CNTNAP4: variants seen among roughly 807,000 people sequenced by gnomAD.
CNTNAP4 encodes contactin associated protein family member 4.
Under a neutral mutation model 148.4 loss-of-function variants are expected in CNTNAP4, and 98 were observed. That is an observed-to-expected ratio of 0.66 (90% CI 0.56 to 0.78). The LOEUF (loss-of-function observed/expected upper bound fraction) is 0.78. Among genes scored for constraint, CNTNAP4 ranks in the 30% least tolerant of loss-of-function variants. CNTNAP4 has a pLI of 0.00. For synonymous variants in CNTNAP4, 730 were observed against 565.1 expected, an observed-to-expected ratio of 1.29 and a Z score of -4.14; for missense variants, 1,935 against 1,565.6, an observed-to-expected ratio of 1.24 and a Z score of -3.98.
At chr16:76,285,287 C>T (rs1958835014) in intron 1 of CNTNAP4, among the ~76,000 whole-genome samples, 1 of 152,018 alleles carries the variant, frequency 6.6e-6, no homozygotes, top group Admixed American at 6.6e-5. Flanking sequence ...GTTAATGAGT[C>T]ATTCCAATGT....
At chr16:76,531,067 C>T (rs1283348749) in intron 17 of CNTNAP4, among the ~76,000 whole-genome samples, 1 of 152,094 alleles carries the variant, frequency 6.6e-6, no homozygotes, top group Non-Finnish European at 1.5e-5. Context: ...TTGTACTGTG[C>T]CAGGCAAATC....
At chr16:76,443,728 A>T (rs372374158) in intron 4 of CNTNAP4, among the ~76,000 whole-genome samples, 3 of 152,332 alleles carry the variant, frequency 2.0e-5, no homozygotes, top group African/African-American at 7.2e-5. Context: ...AATTTTAGCA[A>T]TTCTATTTAC....
intron 23 of CNTNAP4, chr16:76,557,923 TACTTAGA>T (rs1280283210): frequency 2.6e-5 from 4 of 152,242 alleles, no homozygotes; most frequent in Admixed American, 2.6e-4. Context: ...AGAATCGCAG[TACTTAGA>T]ATTTGTATTT....
At chr16:76,320,980 A>G (rs961977160) in intron 2 of CNTNAP4, among the ~76,000 whole-genome samples, 5 of 152,248 alleles carry the variant, frequency 3.3e-5, no homozygotes, top group African/African-American at 1.2e-4. Flanking sequence ...TCCATAGCTG[A>G]CAAATACTGT....
At chr16:76,472,997 G>A (rs533333525) in intron 10 of CNTNAP4, among the ~76,000 whole-genome samples, 8 of 152,160 alleles carry the variant, frequency 5.3e-5, no homozygotes, top group African/African-American at 1.9e-4. Flanking sequence ...TACTCCGTGA[G>A]GGGGGCAGAG....
intron 3 of CNTNAP4, among the ~76,000 whole-genome samples, chr16:76,393,594 G>A (rs1597403982): frequency 1.3e-5 from 2 of 152,044 alleles, no homozygotes; most frequent in Admixed American, 6.6e-5. Context: ...ACCCAGCACA[G>A]AGAGTGCCCT....
chr16:76,293,779 G>T (rs2143854812), intron 1 of CNTNAP4, among the ~76,000 whole-genome samples: 1 of 149,776 alleles, frequency 6.7e-6, no homozygotes, highest in South Asian at 2.1e-4. Context: ...GCAAGTGGCT[G>T]ATCTTAGAGG....
chr16:76,514,170 C>T (rs528697492), intron 15 of CNTNAP4, among the ~76,000 whole-genome samples: 2 of 152,246 alleles, frequency 1.3e-5, no homozygotes, highest in East Asian at 3.9e-4. Context: ...GTCTGATGCC[C>T]AACTCCACAC....
intron 21 of CNTNAP4, among the ~76,000 whole-genome samples, chr16:76,543,845 G>A (rs1024284748): frequency 6.6e-6 from 1 of 152,160 alleles, no homozygotes; most frequent in Non-Finnish European, 1.5e-5. Context: ...TCTCCCTGTA[G>A]TTCGTGGTCT....
At chr16:76,279,859 A>T (rs1958620747) in intron 1 of CNTNAP4, among the ~76,000 whole-genome samples, 1 of 152,116 alleles carries the variant, frequency 6.6e-6, no homozygotes, top group South Asian at 2.1e-4. Context: ...TTTAAGAAGT[A>T]TTTTCTTTTT....
intron 4 of CNTNAP4, among the ~76,000 whole-genome samples, chr16:76,443,103 C>G (rs944646649): frequency 3.3e-5 from 5 of 151,896 alleles, no homozygotes; most frequent in Admixed American, 1.3e-4. Flanking sequence ...TCGATAATAA[C>G]CCAATCATTT....
intron 3 of CNTNAP4, among the ~76,000 whole-genome samples, chr16:76,422,156 A>G (rs568762922): frequency 3.8e-4 from 58 of 152,304 alleles, no homozygotes; most frequent in African/African-American, 1.3e-3. Flanking sequence ...TAAATTGTCT[A>G]TGAACACCTC....
At chr16:76,469,438 A>G (rs1052316309) in intron 10 of CNTNAP4, 10 of 152,244 alleles carry the variant, frequency 6.6e-5, no homozygotes, top group African/African-American at 2.2e-4. Context: ...ACTTGCTTAC[A>G]GAGCAGGGAC....
At chr16:76,544,341 A>T (rs1207575964) in intron 21 of CNTNAP4, among the ~76,000 whole-genome samples, 1 of 151,976 alleles carries the variant, frequency 6.6e-6, no homozygotes, top group Non-Finnish European at 1.5e-5. Context: ...TTTTTCCAGT[A>T]CTCATTTCTT....
At chr16:76,491,802 T>C (rs2082233068) in intron 13 of CNTNAP4, among the ~76,000 whole-genome samples, 1 of 152,188 alleles carries the variant, frequency 6.6e-6, no homozygotes, top group Non-Finnish European at 1.5e-5. Flanking sequence ...TGTTCATCCA[T>C]GTTGTCACAA....
intron 2 of CNTNAP4, among the ~76,000 whole-genome samples, chr16:76,337,742 T>A (rs1472723504): frequency 6.6e-6 from 1 of 152,144 alleles, no homozygotes; most frequent in Admixed American, 6.5e-5. Flanking sequence ...TTCAACTGCA[T>A]AAGACAGACA....
chr16:76,476,805 T>C (rs566785794), intron 11 of CNTNAP4, among the ~76,000 whole-genome samples: 2 of 152,074 alleles, frequency 1.3e-5, no homozygotes, highest in Non-Finnish European at 2.9e-5. Flanking sequence ...TACCACCATA[T>C]TGGGGACTAG....
At chr16:76,407,248 G>A (rs951306440) in intron 3 of CNTNAP4, among the ~76,000 whole-genome samples, 6 of 152,008 alleles carry the variant, frequency 3.9e-5, no homozygotes, top group East Asian at 1.9e-4. Context: ...GAAGCCTACC[G>A]GGCTCAAATA....
At chr16:76,409,277 T>C (rs1506833) in intron 3 of CNTNAP4, among the ~76,000 whole-genome samples, 57,421 of 151,800 alleles carry the variant, frequency 0.38, 11,094 homozygotes, top group Middle Eastern at 0.49. Flanking sequence ...GAAACACTTA[T>C]GGTTATTCTA....
Sources: gnomAD v4.1 joint callset for allele counts (sites outside exome capture counted in the v4.1 genomes callset) on GRCh38, gnomAD v4.1.1 for gene constraint, MANE v1.5 for transcripts, NCBI Gene and HGNC (gene_info 2026-07-23, HGNC 2026-07-21) for gene names.